TBC1D1: variants seen among roughly 807,000 people sequenced by gnomAD.
TBC1D1 encodes TBC1 domain family member 1, also known as TBC1 (tre-2/USP6, BUB2, cdc16) domain family, member 1.
A neutral mutation model predicts 125.6 loss-of-function variants in TBC1D1; 89 were observed. The ratio of observed to expected loss-of-function variants is 0.71; its 90% CI spans 0.60 to 0.85. TBC1D1 has a LOEUF of 0.85. Ranked by LOEUF, TBC1D1 falls within the 40% of genes least tolerant of loss-of-function variation. TBC1D1 has a pLI of 0.00. For synonymous variants in TBC1D1, 565 were observed against 564.1 expected (o/e 1.00, Z -0.02); for missense variants, 1,377 against 1,469.2 (o/e 0.94, Z 1.03).
In TBC1D1 at chr4:38,018,394, A is replaced by G. The variant is rs1382198584; in HGVS notation, c.923A>G (p.Lys308Arg). The G allele has an allele frequency of 6.2e-7, 1 of 1,612,534 alleles. No homozygotes were observed. The highest frequency in any genetic ancestry group is 8.5e-7 in the Non-Finnish European group (1 of 1,179,532). Reference sequence around the variant, plus strand: ...GTTTACCTCATCAGTCCTGACACCAAAAAAATAGCATTGGAGAAAAATTTT... The same window carrying G: ...GTTTACCTCATCAGTCCTGACACCAGAAAAATAGCATTGGAGAAAAATTTT... The change falls in exon 4 of 20, where the codon AAA becomes AGA. Residue 308 changes from lysine to arginine, a missense_variant. This residue lies in a region of TBC1D1 where 822 missense variants were observed against 824.6 expected (regional missense o/e 1.00). Coordinates refer to ENST00000261439, the MANE Select transcript of TBC1D1 (RefSeq NM_015173.4).
At chr4:38,090,188 A>G (rs1274577735) in intron 13 of TBC1D1, 71 bp downstream of exon 15, 5 of 1,454,802 alleles carry the variant, frequency 3.4e-6, no homozygotes, top group African/African-American at 1.4e-5. Context: ...CATCAGACAT[A>G]AGCATGCTGT....
chr4:38,096,441 G>A (rs1238995962), intron 14 of TBC1D1, among the ~76,000 whole-genome samples: 1 of 152,242 alleles, frequency 6.6e-6, no homozygotes, highest in Non-Finnish European at 1.5e-5. Flanking sequence ...ACAACATAGT[G>A]TGGGGAGCAC....
intron 19 of TBC1D1, among the ~76,000 whole-genome samples, chr4:38,135,791 G>A (rs1766407143): frequency 6.6e-6 from 1 of 151,934 alleles, no homozygotes; most frequent in East Asian, 1.9e-4. Flanking sequence ...GAATTTTCTG[G>A]CACAAGTGTT....
chr4:38,039,415 C>T (rs1479531887), intron 8 of TBC1D1, among the ~76,000 whole-genome samples: 1 of 152,040 alleles, frequency 6.6e-6, no homozygotes, highest in Non-Finnish European at 1.5e-5. Context: ...CCGCGCCTGG[C>T]CGGCATCATA....
intron 2 of TBC1D1, among the ~76,000 whole-genome samples, chr4:37,971,965 C>A (rs1404685908): frequency 5.3e-5 from 8 of 152,164 alleles, no homozygotes. Context: ...ATTTATATGA[C>A]CTGCTTGCTC....
intron 14 of TBC1D1, among the ~76,000 whole-genome samples, chr4:38,098,973 C>A (rs1300628955): frequency 6.6e-6 from 1 of 152,140 alleles, no homozygotes; most frequent in African/African-American, 2.4e-5. Flanking sequence ...ATAGATAATT[C>A]AGTTTAGTAC....
rs946895398 is a variant in TBC1D1 at position 37,920,061 on chromosome 4, C to T, written c.417+17549C>T. On this transcript the variant is annotated intron_variant, in intron 2 of 19. Coordinates refer to ENST00000261439, the MANE Select transcript of TBC1D1 (RefSeq NM_015173.4). ...CGGTGAGGCGGAGCTTGCAGTGAGC[C>T]GAGATAACGCCACTGCACTCCGGCC... Among the ~76,000 whole-genome samples the T allele has an allele frequency of 7.2e-5, 11 of 152,228 alleles. No individual in the cohort carries two copies. In the East Asian group the frequency reaches 1.9e-3, roughly 27 times the overall value.
chr4:37,948,372 A>G, intron 2 of TBC1D1, among the ~76,000 whole-genome samples: 1 of 152,206 alleles, frequency 6.6e-6, no homozygotes. Context: ...CACGCCTGTT[A>G]ATTCCAGCCC....
intron 2 of TBC1D1, among the ~76,000 whole-genome samples, chr4:37,904,576 A>G (rs1352340485): frequency 6.6e-6 from 1 of 152,218 alleles, no homozygotes; most frequent in African/African-American, 2.4e-5. Flanking sequence ...ATGCCTGACA[A>G]GAGAAAGAGA....
intron 2 of TBC1D1, among the ~76,000 whole-genome samples, chr4:37,997,511 C>A (rs1560590716): frequency 6.6e-6 from 1 of 151,898 alleles, no homozygotes; most frequent in Admixed American, 6.6e-5. Context: ...GAAGTTTTTA[C>A]CTAGTAGCAG....
intron 11 of TBC1D1, among the ~76,000 whole-genome samples, chr4:38,051,332 A>C (rs1333241833): frequency 6.6e-6 from 1 of 152,210 alleles, no homozygotes; most frequent in Non-Finnish European, 1.5e-5. Flanking sequence ...ATTTATCTAC[A>C]GGAAATAAGA....
intron 2 of TBC1D1, among the ~76,000 whole-genome samples, chr4:37,991,215 G>A (rs1736490954): frequency 6.6e-6 from 1 of 152,192 alleles, no homozygotes; most frequent in African/African-American, 2.4e-5. Flanking sequence ...GGTTAATTTT[G>A]ATCAGGGATA....
At chr4:37,933,446 A>G (rs929930896) in intron 2 of TBC1D1, among the ~76,000 whole-genome samples, 2 of 151,282 alleles carry the variant, frequency 1.3e-5, no homozygotes, top group Non-Finnish European at 3.0e-5. Context: ...ACACACACAC[A>G]CACACACACA....
At chr4:37,987,120 C>T (rs748823819) in intron 2 of TBC1D1, among the ~76,000 whole-genome samples, 5 of 152,114 alleles carry the variant, frequency 3.3e-5, no homozygotes, top group Non-Finnish European at 7.4e-5. Context: ...AGAAAAACAT[C>T]GACTGCAAAT....
chr4:37,963,935 G>A (rs978336519), intron 2 of TBC1D1, among the ~76,000 whole-genome samples: 16 of 152,124 alleles, frequency 1.1e-4, no homozygotes, highest in Non-Finnish European at 1.0e-4. Context: ...TGACTACAGG[G>A]TCCCTGATGT....
intron 12 of TBC1D1, among the ~76,000 whole-genome samples, chr4:38,071,084 C>T (rs1283214023): frequency 1.3e-5 from 2 of 152,156 alleles, no homozygotes; most frequent in Non-Finnish European, 2.9e-5. Context: ...AACATGGAAC[C>T]CTTGATTTGC....
chr4:37,977,050 A>T lies in TBC1D1; in HGVS notation c.418-37459A>T, dbSNP rs1046121833. 6.6e-6 allele frequency among the ~76,000 whole-genome samples: 1 copy of T among 152,110 alleles called. No individual in the cohort carries two copies. Among genetic ancestry groups the T allele is most frequent in the African/African-American group, 2.4e-5 (1 of 41,440 alleles). ...CTGGGGCTTTTGTGGAACCTCGGAG[A>T]GGGAGGAATTCTTAGATTTCTGAAA... On this transcript the variant is annotated intron_variant, in intron 2 of 19. Coordinates refer to ENST00000261439, the MANE Select transcript of TBC1D1 (RefSeq NM_015173.4). This position sits in a 1 kb window ranked among gnomAD's most constrained non-coding sequence, Gnocchi z 4.3.
At chr4:38,019,680 C>T (rs1023743160) in intron 4 of TBC1D1, among the ~76,000 whole-genome samples, 6 of 152,030 alleles carry the variant, frequency 3.9e-5, no homozygotes, top group South Asian at 2.1e-4. Flanking sequence ...TTATGGCAGA[C>T]GTTTTATCTG....
At chr4:38,010,378 C>T (rs1345850325) in intron 2 of TBC1D1, among the ~76,000 whole-genome samples, 1 of 152,146 alleles carries the variant, frequency 6.6e-6, no homozygotes, top group Non-Finnish European at 1.5e-5. Flanking sequence ...AGTTTCTCTA[C>T]ACCTGAAATG....
Sources: allele counts gnomAD v4.1 joint callset (sites outside exome capture counted in the v4.1 genomes callset), GRCh38; gene constraint gnomAD v4.1.1; regional missense constraint gnomAD v4.1.1; non-coding constraint Gnocchi (gnomAD v3.1); transcripts MANE v1.5; gene names NCBI Gene and HGNC (gene_info 2026-07-23, HGNC 2026-07-21).